KCNB2: variants seen among roughly 807,000 people sequenced by gnomAD.
The protein encoded by KCNB2 is delayed rectifier potassium channel protein.
KCNB2 carries 15 observed loss-of-function variants against 61.5 expected under a neutral mutation model. The ratio of observed to expected loss-of-function variants is 0.24; its 90% confidence interval spans 0.16 to 0.38. The LOEUF (loss-of-function observed/expected upper bound fraction) is 0.38, where lower values mean the gene tolerates loss of function less well. Among genes scored for constraint, KCNB2 ranks in the 10% least tolerant of loss-of-function variants. KCNB2 has a pLI of 1.00. For synonymous variants in KCNB2, 457 were observed against 446.0 expected (o/e 1.02, Z -0.31); for missense variants, 828 against 1,125.2 (o/e 0.74, Z 3.78).
At chr8:72,902,972 T>G (rs1230361948) in intron 2 of KCNB2, among the ~76,000 whole-genome samples, 1 of 152,226 alleles carries the variant, frequency 6.6e-6, no homozygotes, top group African/African-American at 2.4e-5. Flanking sequence ...CTCTTACTGA[T>G]TTATCTTCAG....
intron 2 of KCNB2, among the ~76,000 whole-genome samples, chr8:72,853,574 T>C (rs1362228025): frequency 1.3e-5 from 2 of 152,190 alleles, no homozygotes; most frequent in Admixed American, 6.5e-5. Context: ...CTCAATTTCT[T>C]TATCTGTAAA....
At chr8:72,553,490 C>T (rs922115632) in intron 1 of KCNB2, among the ~76,000 whole-genome samples, 1 of 152,058 alleles carries the variant, frequency 6.6e-6, no homozygotes, top group African/African-American at 2.4e-5. Flanking sequence ...TGTCTCAGGG[C>T]TTTCATGCTA....
chr8:72,574,532 T>C (rs1452555217), intron 2 of KCNB2, among the ~76,000 whole-genome samples: 1 of 152,212 alleles, frequency 6.6e-6, no homozygotes. Flanking sequence ...ATCATGCACT[T>C]TTTGGTTCCT....
chr8:72,597,001 C>CTTTTTTTTTTTTTTTTTTTTTTTTTT, intron 2 of KCNB2, among the ~76,000 whole-genome samples: 1 of 64,658 alleles, frequency 1.5e-5, no homozygotes, highest in South Asian at 7.6e-4. Flanking sequence ...TGCTTGCTTG[C>CTTTTTTTTTTTTTTTTTTTTTTTTTT]TTTTTTTTTT....
chr8:72,816,110 A>G (rs1397854939), intron 2 of KCNB2, among the ~76,000 whole-genome samples: 2 of 152,200 alleles, frequency 1.3e-5, no homozygotes, highest in Non-Finnish European at 2.9e-5. Flanking sequence ...GCAATGCTCA[A>G]GACCAAGAAG....
At chr8:72,912,010 G>A (rs567667591) in intron 2 of KCNB2, among the ~76,000 whole-genome samples, 18 of 152,164 alleles carry the variant, frequency 1.2e-4, no homozygotes, top group Middle Eastern at 3.2e-3. Context: ...TCTGGCATGA[G>A]CTGATTAATT....
chr8:72,903,151 T>C (rs189808993), intron 2 of KCNB2, among the ~76,000 whole-genome samples: 8 of 152,302 alleles, frequency 5.3e-5, no homozygotes, highest in African/African-American at 1.7e-4. Flanking sequence ...ACACTGAAAC[T>C]CTTGAGTTGT....
intron 2 of KCNB2, among the ~76,000 whole-genome samples, chr8:72,822,890 T>C (rs1474689260): frequency 6.6e-6 from 1 of 152,120 alleles, no homozygotes; most frequent in Non-Finnish European, 1.5e-5. Flanking sequence ...TCCTAAAGAC[T>C]GTCCATGACA....
At chr8:72,635,217 C>T (rs971527562) in intron 2 of KCNB2, among the ~76,000 whole-genome samples, 1 of 152,184 alleles carries the variant, frequency 6.6e-6, no homozygotes, top group African/African-American at 2.4e-5. Flanking sequence ...AAACAAGCTT[C>T]CTCTTCCCCT....
At chr8:72,540,791 T>C (rs1478391632) in intron 1 of KCNB2, among the ~76,000 whole-genome samples, 1 of 152,140 alleles carries the variant, frequency 6.6e-6, no homozygotes, top group African/African-American at 2.4e-5. Flanking sequence ...AACCCTCTTA[T>C]ATTATCTTAA....
intron 2 of KCNB2, among the ~76,000 whole-genome samples, chr8:72,649,059 G>T (rs919199293): frequency 6.6e-6 from 1 of 151,824 alleles, no homozygotes; most frequent in African/African-American, 2.4e-5. Flanking sequence ...TTCTATTAAA[G>T]ACATTTTTAT....
chr8:72,915,579 A>G (rs966089824), intron 2 of KCNB2, among the ~76,000 whole-genome samples: 4 of 152,142 alleles, frequency 2.6e-5, no homozygotes, highest in African/African-American at 9.7e-5. Context: ...GAAAACTTTA[A>G]TTTCCAAGTG....
At chr8:72,680,140 CA>C (rs1215883432) in intron 2 of KCNB2, among the ~76,000 whole-genome samples, 5 of 152,208 alleles carry the variant, frequency 3.3e-5, no homozygotes, top group Admixed American at 2.0e-4. Context: ...CACTACAACA[CA>C]GTTTCAACTC....
chr8:72,670,994 A>G (rs191480175), intron 2 of KCNB2, among the ~76,000 whole-genome samples: 1 of 152,336 alleles, frequency 6.6e-6, no homozygotes, highest in East Asian at 1.9e-4. Context: ...CCTCTCCCAT[A>G]GTGCTCATAT....
intron 2 of KCNB2, among the ~76,000 whole-genome samples, chr8:72,599,503 A>G (rs986825993): frequency 1.3e-5 from 2 of 152,250 alleles, no homozygotes; most frequent in Non-Finnish European, 2.9e-5. Context: ...ACCCTAGAAG[A>G]AAACCTAGGC....
chr8:72,732,861 A>G (rs915147409), intron 2 of KCNB2, among the ~76,000 whole-genome samples: 4 of 152,172 alleles, frequency 2.6e-5, no homozygotes, highest in African/African-American at 9.7e-5. Flanking sequence ...GTCATAAAGT[A>G]TATCATCCTG....
chr8:72,556,841 C>T (rs533796214), intron 1 of KCNB2, among the ~76,000 whole-genome samples: 14 of 152,242 alleles, frequency 9.2e-5, no homozygotes, highest in Non-Finnish European at 1.3e-4. Context: ...ACTATTACTA[C>T]AGGATATCTT....
chr8:72,842,395 C>A (rs1563401424), intron 2 of KCNB2, among the ~76,000 whole-genome samples: 2 of 152,080 alleles, frequency 1.3e-5, no homozygotes, highest in Non-Finnish European at 2.9e-5. Context: ...CTGAAATTTT[C>A]TTTTTTTGTT....
At chr8:72,732,062 C>G (rs528125932) in intron 2 of KCNB2, 2 of 152,356 alleles carry the variant, frequency 1.3e-5, no homozygotes, top group South Asian at 2.1e-4. Context: ...CAAGAGGAAG[C>G]CTCTGTTGGA....
Sources: allele counts gnomAD v4.1 joint callset (sites outside exome capture counted in the v4.1 genomes callset), GRCh38; gene constraint gnomAD v4.1.1; transcripts MANE v1.5; gene names NCBI Gene and HGNC (gene_info 2026-07-23, HGNC 2026-07-21).